HERC1: variants seen among roughly 807,000 people sequenced by gnomAD.
HERC1 encodes the protein probable E3 ubiquitin-protein ligase HERC1.
A neutral mutation model predicts 554.3 loss-of-function variants in HERC1; 160 were observed. The ratio of observed to expected loss-of-function variants is 0.29; its 90% CI spans 0.25 to 0.33. The LOEUF (loss-of-function observed/expected upper bound fraction) is 0.33, where lower values mean the gene tolerates loss of function less well. Among genes scored for constraint, HERC1 ranks in the 10% least tolerant of loss-of-function variants. The probability of loss-of-function intolerance (pLI) is 1.00; values close to 1 mark genes in which losing one functional copy is unlikely to be tolerated. For synonymous variants in HERC1, 2,175 were observed against 2,131.7 expected, an observed-to-expected ratio of 1.02 and a Z score of -0.56; for missense variants, 4,919 against 5,918.5, an observed-to-expected ratio of 0.83 and a Z score of 5.54.
At chr15:63,831,161 G>A (rs1047677496) in intron 1 of HERC1, among the ~76,000 whole-genome samples, 5 of 152,112 alleles carry the variant, frequency 3.3e-5, no homozygotes, top group Non-Finnish European at 5.9e-5. Context: ...GGCTGGAGTA[G>A]AGTGGTGCAA....
intron 59 of HERC1, among the ~76,000 whole-genome samples, chr15:63,641,906 T>G (rs1214015901): frequency 1.3e-5 from 2 of 152,098 alleles, no homozygotes; most frequent in African/African-American, 4.8e-5. Context: ...TGTCAATAAT[T>G]AACTATTTCT....
Position 63,640,288 on chromosome 15 carries a change from T to G in HERC1, c.11765A>C (p.Asn3922Thr), listed in dbSNP as rs779833220. The change falls in exon 61 of 78, where the codon AAT becomes ACT. Residue 3922 changes from asparagine to threonine, a missense_variant. Around this residue, in one of 11 missense-constraint regions of HERC1, gnomAD observed 1,963 missense variants for 2,228.6 expected, o/e 0.88. Transcript: ENST00000443617. Reference sequence around the variant, plus strand: ...GAAACATTCTAACCAGGCCCATTCATTTGGATTCCAGGATGCAGGGTCAGG... The same window carrying G: ...GAAACATTCTAACCAGGCCCATTCAGTTGGATTCCAGGATGCAGGGTCAGG... ...CLPDPASWNP[N>T]EWAWLECFST... 10 of 1,613,896 alleles carry G rather than the reference T, an allele frequency of 6.2e-6. No individual in the cohort carries two copies. Among genetic ancestry groups the G allele is most frequent in the Admixed American group, 1.7e-5 (1 of 60,002 alleles).
At chr15:63,802,884 A>G (rs1463846307) in intron 1 of HERC1, among the ~76,000 whole-genome samples, 1 of 152,240 alleles carries the variant, frequency 6.6e-6, no homozygotes, top group African/African-American at 2.4e-5. Context: ...TGTGGCAGAA[A>G]ATACATGTAT....
In HERC1 at chr15:63,677,647, C is replaced by T. The variant is rs1208596958; in HGVS notation, c.7070+198G>A. 6.6e-6 allele frequency among the ~76,000 whole-genome samples: 1 copy of T among 152,164 alleles called. No homozygotes were observed. Among genetic ancestry groups the T allele is most frequent in the Non-Finnish European group, 1.5e-5 (1 of 68,036 alleles). On this transcript the variant is annotated intron_variant, in intron 37 of 77. Coordinates refer to ENST00000443617, the MANE Select transcript of HERC1 (RefSeq NM_003922.4). The surrounding 1 kb of genome is among the most constrained non-coding windows in gnomAD (Gnocchi z 4.4). ...AAAAAGACTATGTATTTTTAAAACC[C>T]ACTAGTATTTCAAAGAACATGGGTT...
At position 63,737,549 on chromosome 15, in the gene HERC1, CT is replaced by C. The variant is rs1412582426; in HGVS notation, c.2521-2701del. Among the ~76,000 whole-genome samples, 27 of 35,218 alleles carry C rather than the reference CT, an allele frequency of 7.7e-4. 2 individuals are homozygous for C. The highest frequency in any genetic ancestry group is 2.3e-3 in the African/African-American group (24 of 10,454). The allele number at this position is 35,218 out of a possible 152,430, so 23.1% of individuals were successfully genotyped here. On this transcript the variant is annotated intron_variant, in intron 12 of 77. Coordinates refer to ENST00000443617, the MANE Select transcript of HERC1 (RefSeq NM_003922.4). ...TATATATATATATATATATATATAT[CT>C]TTTTTTTTTTTAGTAGAGAAGGGGT...
chr15:63,764,317 CCAAATCCTAA>C, intron 2 of HERC1, 126 bp from the exon 3 acceptor site: 1 of 638,766 alleles, frequency 1.6e-6, no homozygotes, highest in South Asian at 2.0e-5. Flanking sequence ...TGCACTGAAA[CCAAATCCTAA>C]CATTAGGTCA....
chr15:63,757,565 C>T (rs17773700), intron 4 of HERC1, among the ~76,000 whole-genome samples: 20,195 of 151,894 alleles, frequency 0.13, 1,800 homozygotes, highest in Middle Eastern at 0.21. Context: ...CCATACCAGG[C>T]CTTTATTTAC....
At chr15:63,624,581 G>A (rs1005862628) in intron 71 of HERC1, among the ~76,000 whole-genome samples, 2 of 152,162 alleles carry the variant, frequency 1.3e-5, no homozygotes, top group Non-Finnish European at 2.9e-5. Context: ...TGTACTCCCA[G>A]TTACTCAGGA....
intron 12 of HERC1, among the ~76,000 whole-genome samples, chr15:63,735,249 C>A (rs2074449257): frequency 6.6e-6 from 1 of 151,898 alleles, no homozygotes; most frequent in African/African-American, 2.4e-5. Context: ...TAAAAGGGTG[C>A]AGGAACTTGC....
chr15:63,626,787 T>C (rs962523924), intron 70 of HERC1, among the ~76,000 whole-genome samples: 2 of 152,238 alleles, frequency 1.3e-5, no homozygotes, highest in Non-Finnish European at 2.9e-5. Context: ...AAATAAAGAC[T>C]GGTACAGTGC....
At position 63,674,470 on chromosome 15, in the gene HERC1, C is replaced by T; in HGVS notation, c.7718G>A (p.Arg2573Gln). The T allele has an allele frequency of 1.2e-6, 2 of 1,613,882 alleles. No homozygotes were observed. Among genetic ancestry groups the T allele is most frequent in the Non-Finnish European group, 8.5e-7 (1 of 1,179,854 alleles). The change falls in exon 38 of 78, where the codon CGA (arginine) becomes CAA (glutamine). Residue 2573 changes from arginine to glutamine, a missense_variant. Transcript: ENST00000443617. ...LQFLMRHMVK[R>Q]AVMRSPIKRA... ...CTTTATGGGTGACCGCATGACTGCT[C>T]GCTTCACCATGTGTCGCATCAAGAA...
At chr15:63,667,990 C>T (rs928710525) in intron 40 of HERC1, among the ~76,000 whole-genome samples, 1 of 152,128 alleles carries the variant, frequency 6.6e-6, no homozygotes, top group African/African-American at 2.4e-5. Flanking sequence ...AAGTTATATA[C>T]AGATTTTCAA....
Position 63,716,363 on chromosome 15 carries a change from C to T in HERC1, c.4089G>A (p.Glu1363=). 1 of 1,613,856 alleles carries T rather than the reference C, an allele frequency of 6.2e-7. No individual in the cohort carries two copies. Residue 1363 remains glutamate (E), a synonymous_variant, in exon 22 of 78, where the codon GAG becomes GAA. Transcript: ENST00000443617. ...CTTCATCCTCTGGCTCCGGATGCCCCTCTTCCCGGTCTCTCTCAGCCTGTT... is the reference window on the plus strand; with the variant it reads ...CTTCATCCTCTGGCTCCGGATGCCCTTCTTCCCGGTCTCTCTCAGCCTGTT... The part of the protein sequence containing the change: ...MEEQAERDRE[E]GHPEPEDEEE...
At chr15:63,733,171 G>A (rs775312108) in intron 13 of HERC1, 26 bp from the exon 14 acceptor site, 1 of 1,452,598 alleles carries the variant, frequency 6.9e-7, no homozygotes, top group Non-Finnish European at 9.7e-7. Flanking sequence ...ATAGGAACAA[G>A]TAACTAGCGT....
At chr15:63,798,034 T>C (rs1388998517) in intron 1 of HERC1, among the ~76,000 whole-genome samples, 2 of 152,292 alleles carry the variant, frequency 1.3e-5, no homozygotes, top group African/African-American at 2.4e-5. Context: ...AATCAAGTGT[T>C]AGAACTTGTC....
intron 65 of HERC1, 134 bp from the exon 66 acceptor site, chr15:63,635,022 T>A (rs1243956069): frequency 1.7e-6 from 1 of 605,062 alleles, no homozygotes; most frequent in Admixed American, 3.5e-5. Context: ...CAAAGACCAA[T>A]GCTTTTAAAA....
At chr15:63,676,516 G>A (rs1483331074) in intron 37 of HERC1, among the ~76,000 whole-genome samples, 1 of 152,038 alleles carries the variant, frequency 6.6e-6, no homozygotes, top group East Asian at 1.9e-4. Context: ...CAGCACTTTG[G>A]GAGGCCGAGG....
At chr15:63,672,069 T>A (rs912987479) in intron 39 of HERC1, among the ~76,000 whole-genome samples, 4 of 152,216 alleles carry the variant, frequency 2.6e-5, no homozygotes, top group Non-Finnish European at 5.9e-5. Context: ...CTCGAAATTT[T>A]TTTAAGAATA....
chr15:63,789,801 AAAAT>A (rs10527229), intron 1 of HERC1, among the ~76,000 whole-genome samples: 5,051 of 139,092 alleles, frequency 0.036, 278 homozygotes, highest in African/African-American at 0.12. Context: ...GCCCTGTCTC[AAAAT>A]AAATAAATAA....
Sources: gnomAD v4.1 joint callset for allele counts (sites outside exome capture counted in the v4.1 genomes callset) on GRCh38, gnomAD v4.1.1 for gene constraint, gnomAD v4.1.1 regional missense constraint, Gnocchi (gnomAD v3.1) non-coding constraint, MANE v1.5 for transcripts, NCBI Gene and HGNC (gene_info 2026-07-23, HGNC 2026-07-21) for gene names.